NDOR1: variants seen among roughly 807,000 people sequenced by gnomAD.
NDOR1 encodes NADPH-dependent diflavin oxidoreductase 1.
Under a neutral mutation model 67.2 loss-of-function variants are expected in NDOR1, and 61 were observed. That is an observed-to-expected ratio of 0.91 (90% CI 0.74 to 1.12). The LOEUF is 1.12. NDOR1 is among the 50% of genes most tolerant of loss of function. The pLI is 0.00. For missense variants in NDOR1, 878 were observed against 802.8 expected (o/e 1.09, Z -1.13); for synonymous variants, 378 against 343.7 (o/e 1.10, Z -1.10).
Position 137,212,461 on chromosome 9 carries a change from A to C in NDOR1, c.214-41A>C. On this transcript the variant is annotated intron_variant, in intron 2 of 13. Transcript: ENST00000684003. This position sits in a 1 kb window ranked among gnomAD's most constrained non-coding sequence, Gnocchi z 4.3. ...TCACCCCCTGCTGTGGGGCTAGCCTAGAGGTCGAGGACTCTGACTCAGAGT... is the reference window on the plus strand; with the variant it reads ...TCACCCCCTGCTGTGGGGCTAGCCTCGAGGTCGAGGACTCTGACTCAGAGT... 7 of 1,570,538 alleles carry C rather than the reference A, an allele frequency of 4.5e-6. No individual in the cohort carries two copies. The highest frequency in any genetic ancestry group is 6.1e-6 in the Non-Finnish European group (7 of 1,140,404).
chr9:137,217,808 C>T lies in NDOR1; in HGVS notation c.*1392C>T. ...CTGCCCCAGGGCCACCACCCCTGAA[C>T]TGTGCCCTGGGGCCCCCACCCTCCA... is the stretch of plus-strand genomic sequence containing the variant. On this transcript the variant is annotated 3_prime_UTR_variant, in exon 14 of 14. Coordinates refer to ENST00000684003, the MANE Select transcript of NDOR1 (RefSeq NM_014434.4). 3 of 397,414 alleles carry T rather than the reference C, an allele frequency of 7.5e-6. No individual in the cohort carries two copies. The highest frequency in any genetic ancestry group is 1.3e-5 in the Non-Finnish European group (3 of 225,950). 24.6% of individuals were successfully genotyped at this position (397,414 alleles called of 1,614,324 possible). A position where few individuals can be genotyped will look rare whatever the true frequency, so the allele number is the denominator to read the frequency against.
In NDOR1 at chr9:137,218,489, C is replaced by T. The variant is rs1305460746; in HGVS notation, c.*2073C>T. ...GCGGGAGCGGGGACCCTGTGCCCGCCGCCTGGCGCTGCTGAGCCTGCTGGC... is the reference window on the plus strand; with the variant it reads ...GCGGGAGCGGGGACCCTGTGCCCGCTGCCTGGCGCTGCTGAGCCTGCTGGC... On this transcript the variant is annotated 3_prime_UTR_variant, in exon 14 of 14. Coordinates refer to ENST00000684003, the MANE Select transcript of NDOR1 (RefSeq NM_014434.4). The T allele has an allele frequency of 1.5e-5, 6 of 397,704 alleles. No individual in the cohort carries two copies. The highest frequency in any genetic ancestry group is 1.3e-4 in the South Asian group (1 of 7,924). 24.6% of individuals were successfully genotyped at this position (397,704 alleles called of 1,614,324 possible). A position where few individuals can be genotyped will look rare whatever the true frequency, so the allele number is the denominator to read the frequency against.
Position 137,214,856 on chromosome 9 carries a change from C to G in NDOR1, c.903C>G (p.His301Gln). 6.2e-7 allele frequency: 1 copy of G among 1,610,174 alleles called. No individual in the cohort carries two copies. ...QPCSMRHLVSHYLDIASVPRR... is the reference protein window; with the variant it reads ...QPCSMRHLVSQYLDIASVPRR... Reference sequence around the variant, plus strand: ...GCTCCATGCGGCACCTCGTGTCCCACTACCTGGACATCGCCAGCGTGCCTC... The same window carrying G: ...GCTCCATGCGGCACCTCGTGTCCCAGTACCTGGACATCGCCAGCGTGCCTC... The change falls in exon 8 of 14, where the codon CAC becomes CAG. Residue 301 changes from histidine to glutamine, a missense_variant. His to Gln is a conservative substitution (Grantham distance 24, BLOSUM62 0). Coordinates refer to ENST00000684003, the MANE Select transcript of NDOR1 (RefSeq NM_014434.4).
rs137936163 is a variant in NDOR1, at chr9:137,215,196, G to A, written c.1167G>A (p.Ser389=). 2.0e-4 allele frequency: 329 copies of A among 1,610,602 alleles called. No individual in the cohort carries two copies. The highest frequency in any genetic ancestry group is 2.6e-4 in the Non-Finnish European group (304 of 1,178,970). ...CGAGGGCCTTCTCCATCGCCTCCTC[G>A]CTGCTGGTGAGGGGCCTGGTGGTTG... ...IRPRAFSIAS[S]LLTHPSRLQI... The change falls in exon 9 of 14, where the codon TCG becomes TCA. Residue 389 remains serine, a synonymous_variant. Coordinates refer to ENST00000684003, the MANE Select transcript of NDOR1 (RefSeq NM_014434.4).
chr9:137,213,215 G>C (rs570399671), intron 3 of NDOR1, among the ~76,000 whole-genome samples: 1 of 151,268 alleles, frequency 6.6e-6, no homozygotes, highest in African/African-American at 2.5e-5. Flanking sequence ...CGTGACGTAG[G>C]TCCGTGCATG....
At chr9:137,215,633 T>G in intron 10 of NDOR1, 26 bp from the exon 11 acceptor site, 2 of 1,582,016 alleles carry the variant, frequency 1.3e-6, no homozygotes, top group Non-Finnish European at 1.7e-6. Context: ...TTTGATCCTC[T>G]TCATGCCACC....
intron 10 of NDOR1, 32 bp from the exon 11 acceptor site, chr9:137,215,627 A>G: frequency 6.3e-7 from 1 of 1,586,650 alleles, no homozygotes; most frequent in Non-Finnish European, 8.6e-7. Flanking sequence ...CAGGTCTTTG[A>G]TCCTCTTCAT....
At chr9:137,206,169 T>C (rs1834953781) in intron 1 of NDOR1, 63 bp from the exon 2 acceptor site, 2 of 1,599,390 alleles carry the variant, frequency 1.3e-6, no homozygotes, top group Non-Finnish European at 1.7e-6. Context: ...GGGGGTCAAG[T>C]TTTGGGAAGG....
In NDOR1 at chr9:137,214,335, C is replaced by G; in HGVS notation, c.644C>G (p.Ser215Cys). The change falls in exon 6 of 14, where the codon TCC becomes TGC. Residue 215 changes from serine (S) to cysteine (C), a missense_variant. Coordinates refer to ENST00000684003, the MANE Select transcript of NDOR1 (RefSeq NM_014434.4). ...ESKPFLAPMI[S>C]NQRVTGPSHF... is the part of the protein sequence containing the mutation. Reference sequence around the variant, plus strand: ...AAGCCCTTCCTAGCACCCATGATCTCCAACCAGAGAGTCACCGGCCCCTCC... The same window carrying G: ...AAGCCCTTCCTAGCACCCATGATCTGCAACCAGAGAGTCACCGGCCCCTCC... 6.2e-7 allele frequency: 1 copy of G among 1,614,164 alleles called. No homozygotes were observed. Among genetic ancestry groups the G allele is most frequent in the South Asian group, 1.1e-5 (1 of 91,086 alleles).
Position 137,213,875 on chromosome 9 carries a change from T to G in NDOR1, c.407T>G (p.Leu136Arg), listed in dbSNP as rs1341235313. The G allele has an allele frequency of 6.2e-7, 1 of 1,609,784 alleles. No homozygotes were observed. Among genetic ancestry groups the G allele is most frequent in the African/African-American group, 1.3e-5 (1 of 74,784 alleles). Residue 136 changes from leucine (L) to arginine (R), a missense_variant, in exon 4 of 14, where the codon CTG becomes CGG. Coordinates refer to ENST00000684003, the MANE Select transcript of NDOR1 (RefSeq NM_014434.4). ...TGCCTGGGCGATGACCAGCATGAGC[T>G]GGGGTGAGTCTGCGGGCGTGGTACC... ...PVCLGDDQHELGPDAAVDPWL... is the reference protein window; with the variant it reads ...PVCLGDDQHERGPDAAVDPWL...
rs922894110 is a variant in NDOR1 at position 137,218,588 on chromosome 9, C to T, written c.*2172C>T. 14 of 398,832 alleles carry T rather than the reference C, an allele frequency of 3.5e-5. No individual in the cohort carries two copies. Among genetic ancestry groups the T allele is most frequent in the Admixed American group, 1.8e-4 (4 of 22,714 alleles). 24.7% of individuals were successfully genotyped at this position (398,832 alleles called of 1,614,324 possible). On this transcript the variant is annotated 3_prime_UTR_variant, in exon 14 of 14. Transcript: ENST00000684003. ...GGGACTGCTCTTCGTGCTCCTGGAC[C>T]GCTCTGGCCGCTGAGCAGAGCCCAG... is the stretch of plus-strand genomic sequence containing the variant.
intron 3 of NDOR1, among the ~76,000 whole-genome samples, chr9:137,213,218 C>T (rs943292602): frequency 3.9e-5 from 6 of 152,204 alleles, no homozygotes; most frequent in East Asian, 1.9e-4. Flanking sequence ...GACGTAGGTC[C>T]GTGCATGACG....
chr9:137,208,691 G>T (rs1747642834), intron 2 of NDOR1, among the ~76,000 whole-genome samples: 1 of 151,960 alleles, frequency 6.6e-6, no homozygotes, highest in Non-Finnish European at 1.5e-5. Flanking sequence ...TGGTGCAGTG[G>T]CTCATGCCTG....
In NDOR1 at chr9:137,214,206, T is replaced by C. The variant is rs745493701; in HGVS notation, c.515T>C (p.Leu172Pro). 6.8e-6 allele frequency: 11 copies of C among 1,610,246 alleles called. No individual in the cohort carries two copies. Among genetic ancestry groups the C allele is most frequent in the Middle Eastern group, 1.6e-4 (1 of 6,084 alleles). Residue 172 changes from leucine to proline, a missense_variant and splice_region_variant, in exon 6 of 14, where the codon CTG becomes CCG. Leu to Pro is a moderately conservative substitution (Grantham distance 98). Transcript: ENST00000684003. ...CTGACCAGCGTGCCCTCCCACAGCCTGCCCTCCAAGTTCACCCTGCTGTTC... is the reference window on the plus strand; with the variant it reads ...CTGACCAGCGTGCCCTCCCACAGCCCGCCCTCCAAGTTCACCCTGCTGTTC... ...GLTEIPPGVP[L>P]PSKFTLLFLQ...
At chr9:137,215,571 C>T in intron 10 of NDOR1, 50 bp downstream of exon 10, 3 of 1,609,724 alleles carry the variant, frequency 1.9e-6, no homozygotes, top group Non-Finnish European at 2.5e-6. Context: ...CCCCTTCTCT[C>T]CCATGCTCAT....
At chr9:137,215,347 G>C (rs1005252847) in intron 9 of NDOR1, 60 bp from the exon 10 acceptor site, 1 of 1,575,822 alleles carries the variant, frequency 6.3e-7, no homozygotes, top group Admixed American at 1.7e-5. Context: ...TGGGGCCCAC[G>C]GCCCAGGCAC....
intron 2 of NDOR1, among the ~76,000 whole-genome samples, chr9:137,210,117 C>A (rs942771315): frequency 6.6e-6 from 1 of 152,206 alleles, no homozygotes; most frequent in African/African-American, 2.4e-5. Context: ...AGGAAAGACC[C>A]GCATAACAGG....
rs73563696 is a variant in NDOR1, at chr9:137,214,405, T to C, written c.714T>C (p.Ser238=). The C allele has an allele frequency of 0.12, 197,454 of 1,613,956 alleles. 12,923 individuals are homozygous for C. Among genetic ancestry groups the C allele is most frequent in the Middle Eastern group, 0.22 (1,340 of 6,062 alleles). The change falls in exon 6 of 14, where the codon TCT becomes TCC. Residue 238 remains serine, a synonymous_variant. Coordinates refer to ENST00000684003, the MANE Select transcript of NDOR1 (RefSeq NM_014434.4). ...TGATTGAGTTTGACATCTTGGGCTC[T>C]GGCATCAGGTGGGGACTGCTGGGGA... ...VRLIEFDILG[S]GISFAAGDVV... is the part of the protein sequence containing the mutation.
Position 137,219,181 on chromosome 9 carries a change from G to C in NDOR1, c.*2765G>C, listed in dbSNP as rs1343181062. The C allele has an allele frequency of 1.3e-5, 2 of 152,416 alleles. No homozygotes were observed. The highest frequency in any genetic ancestry group is 2.1e-4 in the South Asian group (1 of 4,840). 9.4% of individuals were successfully genotyped at this position (152,416 alleles called of 1,614,324 possible). A position where few individuals can be genotyped will look rare whatever the true frequency, so the allele number is the denominator to read the frequency against. ...CCACTTGATCAGGCCCAGACCAGGT[G>C]GGGGTTGGCGCTGGCCTGTGTTGCA... On this transcript the variant is annotated 3_prime_UTR_variant, in exon 14 of 14. Coordinates refer to ENST00000684003, the MANE Select transcript of NDOR1 (RefSeq NM_014434.4).
Sources: allele counts gnomAD v4.1 joint callset (sites outside exome capture counted in the v4.1 genomes callset), GRCh38; gene constraint gnomAD v4.1.1; non-coding constraint Gnocchi (gnomAD v3.1); transcripts MANE v1.5; gene names NCBI Gene and HGNC (gene_info 2026-07-23, HGNC 2026-07-21).